Variants in CAMTA1 observed in about 807,000 individuals in gnomAD.
The protein encoded by CAMTA1 is calmodulin binding transcription activator 1.
CAMTA1 carries 27 observed loss-of-function variants against 170.9 expected under a neutral mutation model. That is an observed-to-expected ratio of 0.16 (90% CI 0.12 to 0.22). CAMTA1 has a LOEUF of 0.22. Ranked by LOEUF, CAMTA1 falls within the 10% of genes least tolerant of loss-of-function variation. The pLI, the probability that CAMTA1 is intolerant of heterozygous loss-of-function variation, is 1.00. For missense variants in CAMTA1, 1,619 were observed against 2,217.2 expected, an observed-to-expected ratio of 0.73 and a Z score of 5.42; for synonymous variants, 833 against 891.5, an observed-to-expected ratio of 0.93 and a Z score of 1.17.
At position 7,608,894 on chromosome 1, in the gene CAMTA1, A is replaced by G. The variant is rs1331646192; in HGVS notation, c.511-31506A>G. Among the ~76,000 whole-genome samples, 4 of 152,102 alleles carry G rather than the reference A, an allele frequency of 2.6e-5. No homozygotes were observed. The East Asian group carries it at 7.7e-4, about 29-fold the overall frequency. On this transcript the variant is annotated intron_variant, in intron 6 of 22. Transcript: ENST00000303635. The stretch of plus-strand genomic sequence containing the variant: ...CTTCAAGAAGGGCCAGGCCCTTGGC[A>G]TGGTCCAAGATGAATGGATGGGAGC...
At chr1:7,211,004 G>A (rs1357011846) in intron 4 of CAMTA1, among the ~76,000 whole-genome samples, 2 of 152,172 alleles carry the variant, frequency 1.3e-5, no homozygotes, top group African/African-American at 4.8e-5. Flanking sequence ...AAAACTTCAA[G>A]CATAGAGAAC....
At chr1:7,661,144 C>T (rs74053162) in intron 7 of CAMTA1, among the ~76,000 whole-genome samples, 5,313 of 152,310 alleles carry the variant, frequency 0.035, 309 homozygotes, top group African/African-American at 0.12. Context: ...CCTTCAGTCC[C>T]GTCCCCATCT....
chr1:7,370,290 T>C (rs1259492611), intron 5 of CAMTA1: 5 of 152,386 alleles, frequency 3.3e-5, no homozygotes, highest in South Asian at 4.1e-4. Context: ...TTGGTTATTA[T>C]GGTGTATGCT....
chr1:6,892,775 T>C (rs1265564375), intron 3 of CAMTA1, among the ~76,000 whole-genome samples: 1 of 152,086 alleles, frequency 6.6e-6, no homozygotes, highest in Non-Finnish European at 1.5e-5. Context: ...AAAATGTGGG[T>C]TCAGAGGAGC....
chr1:7,622,869 T>A (rs549856403), intron 6 of CAMTA1, among the ~76,000 whole-genome samples: 1 of 152,386 alleles, frequency 6.6e-6, no homozygotes, highest in South Asian at 2.1e-4. Context: ...TGTCCTTGGC[T>A]TTCCAGACTG....
chr1:7,387,110 C>G (rs1254796251), intron 5 of CAMTA1, among the ~76,000 whole-genome samples: 1 of 152,090 alleles, frequency 6.6e-6, no homozygotes, highest in Non-Finnish European at 1.5e-5. Context: ...TGGAACTCAC[C>G]CATTCCCATG....
intron 6 of CAMTA1, among the ~76,000 whole-genome samples, chr1:7,625,102 G>C (rs577206319): frequency 1.3e-5 from 2 of 152,230 alleles, no homozygotes; most frequent in Non-Finnish European, 2.9e-5. Context: ...CAGGAGTGGG[G>C]TTGCATTCAC....
At chr1:7,546,826 A>C (rs575043584) in intron 6 of CAMTA1, among the ~76,000 whole-genome samples, 1 of 151,760 alleles carries the variant, frequency 6.6e-6, no homozygotes. Flanking sequence ...CTGTTGATGC[A>C]GGATTTCCAT....
At chr1:7,152,726 CT>C (rs1281411503) in intron 4 of CAMTA1, among the ~76,000 whole-genome samples, 1 of 152,230 alleles carries the variant, frequency 6.6e-6, no homozygotes, top group East Asian at 1.9e-4. Flanking sequence ...CTCTTTCCCC[CT>C]GGAAGAGAGG....
At position 7,732,420 on chromosome 1, in the gene CAMTA1, C is replaced by G; in HGVS notation, c.2915-28C>G. ...TGACTGCTTTTCTTCCAGAACACAA[C>G]CTCACTCTTCCTCCTGCTCTGCCCT... On this transcript the variant is annotated intron_variant, in intron 11 of 22. Transcript: ENST00000303635. The surrounding 1 kb of genome is among the most constrained non-coding windows in gnomAD (Gnocchi z 4.1). 6.2e-7 allele frequency: 1 copy of G among 1,602,210 alleles called. No homozygotes were observed. The highest frequency in any genetic ancestry group is 8.5e-7 in the Non-Finnish European group (1 of 1,169,638).
rs542532616 is a variant in CAMTA1 at position 7,600,255 on chromosome 1, G to A, written c.511-40145G>A. ...TGCTGGATTATGTTTGTTGATTTGC[G>A]TATGTTGAACCAGCCTTGCATCCCA... On this transcript the variant is annotated intron_variant, in intron 6 of 22. Coordinates refer to ENST00000303635, the MANE Select transcript of CAMTA1 (RefSeq NM_015215.4). Among the ~76,000 whole-genome samples the A allele has an allele frequency of 4.0e-3, 616 of 152,250 alleles. 2 individuals are homozygous for A. The highest frequency in any genetic ancestry group is 0.01 in the African/African-American group (418 of 41,528).
At chr1:7,548,066 A>G (rs1431268774) in intron 6 of CAMTA1, among the ~76,000 whole-genome samples, 1 of 152,248 alleles carries the variant, frequency 6.6e-6, no homozygotes, top group Non-Finnish European at 1.5e-5. Context: ...GAGCATTTAT[A>G]TTGATCAGGT....
chr1:7,383,730 G>T (rs2087612785), intron 5 of CAMTA1, among the ~76,000 whole-genome samples: 1 of 152,028 alleles, frequency 6.6e-6, no homozygotes, highest in African/African-American at 2.4e-5. Context: ...TGGTGGTGGT[G>T]GTGCTGGTGC....
At chr1:6,997,827 GT>G (rs1697556016) in intron 3 of CAMTA1, among the ~76,000 whole-genome samples, 2 of 151,408 alleles carry the variant, frequency 1.3e-5, no homozygotes, top group Admixed American at 6.6e-5. Context: ...CGCCTGGCTA[GT>G]TTTTTGTATT....
intron 5 of CAMTA1, among the ~76,000 whole-genome samples, chr1:7,274,912 C>A (rs549880759): frequency 2.0e-5 from 3 of 151,934 alleles, no homozygotes; most frequent in Non-Finnish European, 4.4e-5. Flanking sequence ...GAGGCCAAAG[C>A]GGGCAAATCA....
At chr1:7,189,891 G>C (rs1248554926) in intron 4 of CAMTA1, among the ~76,000 whole-genome samples, 1 of 152,210 alleles carries the variant, frequency 6.6e-6, no homozygotes, top group Non-Finnish European at 1.5e-5. Context: ...ATGTCCATCA[G>C]TCAACGAGTG....
rs937296702 is a variant in CAMTA1, at chr1:6,929,356, T to TTTTG, written c.234+104166_234+104169dup. Reference sequence around the variant, plus strand: ...CACCATGCCCAGCTAATTTTTTTTTTTTTGTTTGTTTGTTTGTTTGTTTTT... The same window carrying TTTTG: ...CACCATGCCCAGCTAATTTTTTTTTTTTTGTTTGTTTGTTTGTTTGTTTGTTTTT... On this transcript the variant is annotated intron_variant, in intron 3 of 22. Coordinates refer to ENST00000303635, the MANE Select transcript of CAMTA1 (RefSeq NM_015215.4). Among the ~76,000 whole-genome samples the TTTTG allele has an allele frequency of 3.0e-3, 457 of 150,178 alleles. 3 individuals carry two copies. The highest frequency in any genetic ancestry group is 9.4e-3 in the African/African-American group (382 of 40,574).
intron 3 of CAMTA1, among the ~76,000 whole-genome samples, chr1:7,028,035 G>C (rs1702250772): frequency 6.6e-6 from 1 of 151,862 alleles, no homozygotes; most frequent in African/African-American, 2.4e-5. Context: ...CTCCCGAGTA[G>C]CTGGGACTAC....
In CAMTA1 at chr1:7,248,194, T is replaced by C. The variant is rs1002832890; in HGVS notation, c.303-1297T>C. 1.3e-4 allele frequency among the ~76,000 whole-genome samples: 20 copies of C among 152,134 alleles called. No individual in the cohort carries two copies. Among genetic ancestry groups the C allele is most frequent in the African/African-American group, 3.4e-4 (14 of 41,432 alleles). On this transcript the variant is annotated intron_variant, in intron 4 of 22. Transcript: ENST00000303635. The surrounding 1 kb of genome is among the most constrained non-coding windows in gnomAD (Gnocchi z 4.0). ...AGAATATGAAGCCATCAACAGCCAATGTTCTGTGCTGCTTGTGAAATGGCC... is the reference window on the plus strand; with the variant it reads ...AGAATATGAAGCCATCAACAGCCAACGTTCTGTGCTGCTTGTGAAATGGCC...
Sources: gnomAD v4.1 joint callset for allele counts (sites outside exome capture counted in the v4.1 genomes callset) on GRCh38, gnomAD v4.1.1 for gene constraint, Gnocchi (gnomAD v3.1) non-coding constraint, MANE v1.5 for transcripts, NCBI Gene and HGNC (gene_info 2026-07-23, HGNC 2026-07-21) for gene names.